The following CATSPERT variants were observed in gnomAD, a reference collection of about 807,000 sequenced individuals.
CATSPERT encodes the protein cation channel sperm-associated targeting subunit tau.
At chr2:201,586,281 GTCAGTGCC>G in the CATSPERT span, among the ~76,000 whole-genome samples, 39 of 152,026 alleles carry the variant, frequency 2.6e-4, no homozygotes, top group African/African-American at 8.9e-4. Context: ...GCAGAGGGGG[GTCAGTGCC>G]TCAGTGCCTG....
At chr2:201,585,686 T>A in the CATSPERT span, among the ~76,000 whole-genome samples, 1 of 152,196 alleles carries the variant, frequency 6.6e-6, no homozygotes, top group East Asian at 1.9e-4. Flanking sequence ...TTAAAGTTTC[T>A]AAGATCCTTG....
the CATSPERT span, among the ~76,000 whole-genome samples, chr2:201,580,296 T>C: frequency 4.6e-5 from 7 of 152,246 alleles, no homozygotes; most frequent in African/African-American, 1.7e-4. Context: ...CATCTGTCTA[T>C]TGTAGAGTAA....
the CATSPERT span, chr2:201,496,010 A>C: frequency 7.9e-7 from 1 of 1,267,930 alleles, no homozygotes; most frequent in African/African-American, 1.5e-5. Flanking sequence ...TACTTGTAAT[A>C]TAAGAATATC....
the CATSPERT span, among the ~76,000 whole-genome samples, chr2:201,560,248 C>T: frequency 4.0e-5 from 6 of 151,738 alleles, no homozygotes; most frequent in South Asian, 4.2e-4. Context: ...GCCAATAAGG[C>T]GAAACCCTGT....
chr2:201,613,894 G>A, the CATSPERT span, among the ~76,000 whole-genome samples: 34 of 152,296 alleles, frequency 2.2e-4, no homozygotes, highest in South Asian at 5.2e-3. Context: ...ACCATGGCAC[G>A]AGAACTATGT....
the CATSPERT span, among the ~76,000 whole-genome samples, chr2:201,490,883 C>T: frequency 5.9e-5 from 9 of 152,186 alleles, no homozygotes; most frequent in East Asian, 1.4e-3. Context: ...GCCACCATGC[C>T]CGGCTAATGT....
At chr2:201,585,049 T>G in the CATSPERT span, among the ~76,000 whole-genome samples, 1 of 151,950 alleles carries the variant, frequency 6.6e-6, no homozygotes, top group Non-Finnish European at 1.5e-5. Flanking sequence ...CTTCAGAAAA[T>G]AACTGCAAAT....
At chr2:201,575,467 A>T in the CATSPERT span, 1 of 460,840 alleles carries the variant, frequency 2.2e-6, no homozygotes, top group Non-Finnish European at 3.7e-6. Context: ...CACAGCAGGA[A>T]ATGAGTGGTG....
the CATSPERT span, among the ~76,000 whole-genome samples, chr2:201,600,181 C>T: frequency 2.6e-5 from 4 of 152,128 alleles, no homozygotes. Flanking sequence ...GACTTGGAAC[C>T]AACCCAAATG....
At chr2:201,603,969 A>G in the CATSPERT span, among the ~76,000 whole-genome samples, 1 of 152,210 alleles carries the variant, frequency 6.6e-6, no homozygotes. Flanking sequence ...ATACCCAGTT[A>G]CCACTCTAAT....
chr2:201,500,682 A>G, the CATSPERT span, among the ~76,000 whole-genome samples: 1 of 152,152 alleles, frequency 6.6e-6, no homozygotes, highest in Non-Finnish European at 1.5e-5. Context: ...CATGCTGAAG[A>G]TGGCTGTCCA....
At chr2:201,523,833 T>C in the CATSPERT span, among the ~76,000 whole-genome samples, 1 of 152,072 alleles carries the variant, frequency 6.6e-6, no homozygotes, top group Non-Finnish European at 1.5e-5. Context: ...AAACTCACTA[T>C]AAGAATTTCA....
the CATSPERT span, chr2:201,487,915 A>C: frequency 6.4e-7 from 1 of 1,554,132 alleles, no homozygotes; most frequent in East Asian, 2.3e-5. Context: ...AAATAATAAA[A>C]TAAAAGATCC....
the CATSPERT span, chr2:201,575,313 A>G: frequency 4.4e-6 from 7 of 1,594,330 alleles, no homozygotes; most frequent in African/African-American, 1.3e-5. Flanking sequence ...GACCTCTTCA[A>G]TGAAGCACCC....
At chr2:201,487,431 T>C in the CATSPERT span, 1 of 631,758 alleles carries the variant, frequency 1.6e-6, no homozygotes, top group Non-Finnish European at 2.6e-6. Flanking sequence ...TGTGTTTGTT[T>C]TTCATTTTAA....
At chr2:201,614,091 C>G in the CATSPERT span, among the ~76,000 whole-genome samples, 1 of 152,124 alleles carries the variant, frequency 6.6e-6, no homozygotes, top group Non-Finnish European at 1.5e-5. Context: ...GATTGGTGTA[C>G]CTGAAAGTGA....
chr2:201,550,437 A>G, the CATSPERT span: 4 of 152,222 alleles, frequency 2.6e-5, no homozygotes, highest in Non-Finnish European at 4.4e-5. Context: ...TATTTCAATT[A>G]AAAATTTCAA....
At chr2:201,567,814 C>T in the CATSPERT span, among the ~76,000 whole-genome samples, 2 of 152,110 alleles carry the variant, frequency 1.3e-5, no homozygotes, top group South Asian at 4.1e-4. Context: ...AATTTTTGAC[C>T]AATAGCTAGG....
the CATSPERT span, among the ~76,000 whole-genome samples, chr2:201,541,179 A>G: frequency 2.6e-5 from 4 of 152,274 alleles, no homozygotes; most frequent in Admixed American, 6.5e-5. Context: ...TTGAGATGGA[A>G]TCTACTGCCA....
Sources: allele counts gnomAD v4.1 joint callset (sites outside exome capture counted in the v4.1 genomes callset), GRCh38; gene constraint gnomAD v4.1.1; transcripts MANE v1.5; gene names NCBI Gene and HGNC (gene_info 2026-07-23, HGNC 2026-07-21).